Variants in POU6F2 observed in about 807,000 individuals in gnomAD.
POU6F2 encodes POU class 6 homeobox 2.
A neutral mutation model predicts 71.3 loss-of-function variants in POU6F2; 31 were observed. That is an observed-to-expected ratio of 0.43 (90% CI 0.33 to 0.59). POU6F2 has a LOEUF of 0.59. Among genes scored for constraint, POU6F2 ranks in the 20% least tolerant of loss-of-function variants. The probability of loss-of-function intolerance (pLI) is 0.04; values close to 1 mark genes in which losing one functional copy is unlikely to be tolerated. For synonymous variants in POU6F2, 347 were observed against 355.7 expected, an observed-to-expected ratio of 0.98 and a Z score of 0.27; for missense variants, 783 against 856.8, an observed-to-expected ratio of 0.91 and a Z score of 1.07.
intron 2 of POU6F2, among the ~76,000 whole-genome samples, chr7:39,086,453 AGAG>A: frequency 6.6e-6 from 1 of 152,250 alleles, no homozygotes; most frequent in East Asian, 1.9e-4. Flanking sequence ...TAAAGATGGG[AGAG>A]GAGAACTGAA....
intron 4 of POU6F2, among the ~76,000 whole-genome samples, chr7:39,258,870 G>T (rs1784077365): frequency 6.6e-6 from 1 of 152,176 alleles, no homozygotes. Context: ...AAGCTGAAAA[G>T]AAAGGAAGCT....
At chr7:39,115,227 G>A (rs1292009980) in intron 2 of POU6F2, among the ~76,000 whole-genome samples, 2 of 152,176 alleles carry the variant, frequency 1.3e-5, no homozygotes, top group Admixed American at 1.3e-4. Flanking sequence ...TCCAGTGATT[G>A]TGTGGAGAGA....
intron 8 of POU6F2, among the ~76,000 whole-genome samples, chr7:39,456,507 T>C (rs1216060244): frequency 6.6e-6 from 1 of 152,222 alleles, no homozygotes; most frequent in East Asian, 1.9e-4. Flanking sequence ...TTTTGATGAA[T>C]TCAAAACATC....
At chr7:39,006,960 T>C (rs1789091928) in intron 1 of POU6F2, 4 of 1,308,832 alleles carry the variant, frequency 3.1e-6, no homozygotes, top group African/African-American at 1.5e-5. Flanking sequence ...AGGGAAATAA[T>C]TGTCATGTTT....
At position 39,036,062 on chromosome 7, in the gene POU6F2, G is replaced by A. The variant is rs541744283; in HGVS notation, c.106-49798G>A. On this transcript the variant is annotated intron_variant, in intron 1 of 9. Transcript: ENST00000518318. ...ATGAGGCGTGCGGGAGAGGAGAGGC[G>A]TGCTGAGAACAGGTGGAGCCTTTGC... Among the ~76,000 whole-genome samples the A allele has an allele frequency of 8.5e-5, 13 of 152,208 alleles. No homozygotes were observed. The East Asian group carries it at 1.9e-3, about 23-fold the overall frequency.
intron 2 of POU6F2, among the ~76,000 whole-genome samples, chr7:39,122,290 A>T (rs1010701923): frequency 2.6e-5 from 4 of 152,256 alleles, no homozygotes; most frequent in Admixed American, 6.5e-5. Flanking sequence ...CAGTAAGAGG[A>T]GCAGCATGAC....
intron 7 of POU6F2, among the ~76,000 whole-genome samples, chr7:39,448,208 G>A (rs577929698): frequency 3.6e-4 from 55 of 152,258 alleles, no homozygotes; most frequent in African/African-American, 1.3e-3. Context: ...CGTTATGAAG[G>A]CGAGAGGTCA....
At chr7:39,129,789 C>T (rs915052380) in intron 2 of POU6F2, among the ~76,000 whole-genome samples, 1 of 152,008 alleles carries the variant, frequency 6.6e-6, no homozygotes, top group African/African-American at 2.4e-5. Flanking sequence ...TTCGGCCGGG[C>T]GCTGTGGCTC....
chr7:39,333,672 A>AG (rs1364395335), intron 4 of POU6F2, among the ~76,000 whole-genome samples: 2 of 152,212 alleles, frequency 1.3e-5, no homozygotes, highest in Non-Finnish European at 2.9e-5. Flanking sequence ...TGGGAGGCAG[A>AG]GGTTGCAGTG....
intron 1 of POU6F2, among the ~76,000 whole-genome samples, chr7:39,054,818 C>T (rs574072404): frequency 6.7e-6 from 1 of 149,138 alleles, no homozygotes; most frequent in Admixed American, 6.7e-5. Flanking sequence ...AAACAAAAAA[C>T]CATGTCTCAC....
chr7:39,108,921 G>GA (rs1791748165), intron 2 of POU6F2, among the ~76,000 whole-genome samples: 1 of 152,124 alleles, frequency 6.6e-6, no homozygotes, highest in African/African-American at 2.4e-5. Context: ...AAAACTAGAG[G>GA]AAAAAGGTTA....
intron 2 of POU6F2, among the ~76,000 whole-genome samples, chr7:39,127,631 A>T (rs1186133919): frequency 1.6e-4 from 25 of 152,096 alleles, no homozygotes; most frequent in Admixed American, 1.6e-3. Context: ...ATGCTAGATT[A>T]GCGGGGGCTG....
chr7:39,328,213 C>T (rs1205863204), intron 4 of POU6F2, among the ~76,000 whole-genome samples: 2 of 152,222 alleles, frequency 1.3e-5, no homozygotes, highest in Non-Finnish European at 2.9e-5. Context: ...GCCACCGCAC[C>T]CGACCGAATC....
intron 1 of POU6F2, among the ~76,000 whole-genome samples, chr7:39,016,207 A>T (rs1266787814): frequency 7.1e-6 from 1 of 141,322 alleles, no homozygotes; most frequent in Admixed American, 7.6e-5. Context: ...ATAGATGTAT[A>T]TAAGATTACC....
intron 2 of POU6F2, among the ~76,000 whole-genome samples, chr7:39,087,154 TAA>T (rs1491372423): frequency 0.088 from 5,008 of 57,212 alleles, 210 homozygotes; most frequent in African/African-American, 0.25. Context: ...ATTAATTAAT[TAA>T]TTAATTTATT....
At chr7:39,344,936 C>T (rs1785999322) in intron 5 of POU6F2, among the ~76,000 whole-genome samples, 1 of 152,140 alleles carries the variant, frequency 6.6e-6, no homozygotes, top group African/African-American at 2.4e-5. Context: ...TTCTCCTAGC[C>T]AGGACTGAGA....
intron 5 of POU6F2, among the ~76,000 whole-genome samples, chr7:39,375,502 C>T (rs1786693892): frequency 6.6e-6 from 1 of 152,140 alleles, no homozygotes; most frequent in African/African-American, 2.4e-5. Context: ...ACGGAGGCAC[C>T]CCCAGAGCCA....
chr7:39,070,782 A>G (rs1790863657), intron 1 of POU6F2, among the ~76,000 whole-genome samples: 1 of 152,024 alleles, frequency 6.6e-6, no homozygotes. Flanking sequence ...CCTCCAGGTC[A>G]CCCTATGCCC....
intron 4 of POU6F2, among the ~76,000 whole-genome samples, chr7:39,225,342 T>C (rs568612585): frequency 6.6e-6 from 1 of 152,320 alleles, no homozygotes; most frequent in African/African-American, 2.4e-5. Flanking sequence ...TAATACATTT[T>C]TTTTGGTTCC....
Sources: allele counts gnomAD v4.1 joint callset (sites outside exome capture counted in the v4.1 genomes callset), GRCh38; gene constraint gnomAD v4.1.1; transcripts MANE v1.5; gene names NCBI Gene and HGNC (gene_info 2026-07-23, HGNC 2026-07-21).